TENM2: variants seen among roughly 807,000 people sequenced by gnomAD.
TENM2 encodes teneurin transmembrane protein 2.
A neutral mutation model predicts 245.2 loss-of-function variants in TENM2; 52 were observed. The observed-to-expected ratio is 0.21, with a 90% CI of 0.17 to 0.27. The LOEUF (loss-of-function observed/expected upper bound fraction) is 0.27. Among genes scored for constraint, TENM2 ranks in the 10% least tolerant of loss-of-function variants. The pLI, the probability that TENM2 is intolerant of heterozygous loss-of-function variation, is 1.00. For synonymous variants in TENM2, 1,363 were observed against 1,438.9 expected (o/e 0.95, Z 1.19); for missense variants, 3,046 against 3,666.8 (o/e 0.83, Z 4.37).
At chr5:167,302,768 G>A (rs1755421202) in intron 1 of TENM2, among the ~76,000 whole-genome samples, 1 of 152,114 alleles carries the variant, frequency 6.6e-6, no homozygotes, top group Non-Finnish European at 1.5e-5. Context: ...TTGACATGGA[G>A]AGAAGGGGTT....
chr5:167,233,461 T>C, the TENM2 span, among the ~76,000 whole-genome samples: 1 of 152,116 alleles, frequency 6.6e-6, no homozygotes, highest in African/African-American at 2.4e-5. Context: ...ATCTATAAAA[T>C]TCCATCCATT....
At chr5:167,034,994 A>C in the TENM2 span, among the ~76,000 whole-genome samples, 1 of 152,188 alleles carries the variant, frequency 6.6e-6, no homozygotes, top group Non-Finnish European at 1.5e-5. Flanking sequence ...TTTTTAAGAT[A>C]GGTTGAGGGG....
intron 3 of TENM2, among the ~76,000 whole-genome samples, chr5:167,877,643 A>G (rs1412231412): frequency 3.9e-5 from 6 of 152,242 alleles, no homozygotes; most frequent in Non-Finnish European, 7.3e-5. Flanking sequence ...CTACCGCGGA[A>G]CAATGACACT....
intron 2 of TENM2, among the ~76,000 whole-genome samples, chr5:167,833,238 A>G (rs920715035): frequency 3.3e-5 from 5 of 152,186 alleles, no homozygotes; most frequent in African/African-American, 1.2e-4. Context: ...ATTAAAATGT[A>G]TCCACAAACG....
intron 2 of TENM2, among the ~76,000 whole-genome samples, chr5:167,497,683 A>G (rs1390726227): frequency 6.6e-6 from 1 of 152,122 alleles, no homozygotes; most frequent in African/African-American, 2.4e-5. Flanking sequence ...ATATAAGGGT[A>G]GGTATCGCAC....
intron 12 of TENM2, among the ~76,000 whole-genome samples, chr5:168,146,918 G>A (rs1756136846): frequency 6.6e-6 from 1 of 152,200 alleles, no homozygotes; most frequent in Non-Finnish European, 1.5e-5. Context: ...GAGAATATGG[G>A]CATCAGGGGA....
the TENM2 span, among the ~76,000 whole-genome samples, chr5:167,175,998 C>G: frequency 6.6e-6 from 1 of 152,188 alleles, no homozygotes; most frequent in Non-Finnish European, 1.5e-5. Context: ...GAGTGAGCCA[C>G]CATGCCCAGC....
upstream of TENM2, among the ~76,000 whole-genome samples, chr5:167,281,273 AT>A (rs113120728): frequency 0.089 from 11,656 of 131,622 alleles, 1,409 homozygotes; most frequent in African/African-American, 0.29. Context: ...ACGCCTGGCT[AT>A]TTTTTTTTTT....
chr5:168,175,490 G>A (rs887769748), intron 13 of TENM2, among the ~76,000 whole-genome samples: 2 of 152,140 alleles, frequency 1.3e-5, no homozygotes, highest in African/African-American at 2.4e-5. Flanking sequence ...GTTCCCTTTA[G>A]CCACATAGGC....
chr5:167,853,336 G>T (rs555675544), intron 2 of TENM2, among the ~76,000 whole-genome samples: 47 of 131,486 alleles, frequency 3.6e-4, no homozygotes, highest in African/African-American at 1.3e-3. Flanking sequence ...CTCTATTTGA[G>T]AATGTTCTGT....
chr5:167,942,537 G>A (rs368096236), intron 3 of TENM2, among the ~76,000 whole-genome samples: 1 of 152,054 alleles, frequency 6.6e-6, no homozygotes, highest in Non-Finnish European at 1.5e-5. Context: ...AGCACACCGG[G>A]ACCCAGTGAT....
chr5:167,142,257 C>T, the TENM2 span, among the ~76,000 whole-genome samples: 1 of 152,264 alleles, frequency 6.6e-6, no homozygotes, highest in East Asian at 1.9e-4. Context: ...ACTCTGCCAA[C>T]TTGCTCACTA....
rs892498733 is a variant in TENM2, at chr5:167,453,143, A to G, written c.502+77670A>G. ...AACAGCCCAGAGAGAGAACCTGACAATATATTGTAACTGCCTTTGGAAGCT... is the reference window on the plus strand; with the variant it reads ...AACAGCCCAGAGAGAGAACCTGACAGTATATTGTAACTGCCTTTGGAAGCT... On this transcript the variant is annotated intron_variant, in intron 2 of 28. Coordinates refer to ENST00000518659, the Ensembl canonical transcript of TENM2. 2.6e-5 allele frequency among the ~76,000 whole-genome samples: 4 copies of G among 151,488 alleles called. No homozygotes were observed. The East Asian group carries it at 7.8e-4, about 30-fold the overall frequency.
chr5:168,071,681 T>C (rs1791023599), intron 7 of TENM2, among the ~76,000 whole-genome samples: 1 of 152,244 alleles, frequency 6.6e-6, no homozygotes. Flanking sequence ...GTAAACATTC[T>C]TTCAGGTCTA....
At chr5:168,034,701 A>T (rs536387536) in intron 5 of TENM2, among the ~76,000 whole-genome samples, 4 of 152,260 alleles carry the variant, frequency 2.6e-5, no homozygotes, top group Non-Finnish European at 5.9e-5. Flanking sequence ...AGCCAAGGAG[A>T]CAGACAGCTG....
chr5:167,421,473 A>G (rs1422379997), intron 2 of TENM2, among the ~76,000 whole-genome samples: 2 of 152,190 alleles, frequency 1.3e-5, no homozygotes, highest in Non-Finnish European at 2.9e-5. Flanking sequence ...GTGTTTAAAG[A>G]GAGCCAAGCT....
intron 5 of TENM2, among the ~76,000 whole-genome samples, chr5:168,034,339 T>TA (rs5873085): frequency 2.5e-3 from 295 of 119,608 alleles, no homozygotes; most frequent in African/African-American, 5.4e-3. Flanking sequence ...AGACTCCGTC[T>TA]AAAAAAAAAA....
intron 2 of TENM2, among the ~76,000 whole-genome samples, chr5:167,681,686 A>C (rs145235800): frequency 3.2e-4 from 49 of 152,290 alleles, no homozygotes; most frequent in African/African-American, 1.1e-3. Flanking sequence ...TACATAATAC[A>C]TACAAATATA....
chr5:166,989,612 G>C, the TENM2 span, among the ~76,000 whole-genome samples: 1 of 150,944 alleles, frequency 6.6e-6, no homozygotes, highest in African/African-American at 2.4e-5. Context: ...GGCTGGTCTT[G>C]AACTCCCGAC....
Sources: allele counts gnomAD v4.1 joint callset (sites outside exome capture counted in the v4.1 genomes callset), GRCh38; gene constraint gnomAD v4.1.1; transcripts MANE v1.5; gene names NCBI Gene and HGNC (gene_info 2026-07-23, HGNC 2026-07-21).